Variants in NRXN1 observed in about 807,000 individuals in gnomAD.
NRXN1 encodes the protein neurexin-1.
Under a neutral mutation model 150.9 loss-of-function variants are expected in NRXN1, and 39 were observed. That is an observed-to-expected ratio of 0.26 (90% CI 0.20 to 0.34). NRXN1 has a LOEUF of 0.34. NRXN1 is among the 10% of genes least tolerant of loss of function. NRXN1 has a pLI of 1.00. For synonymous variants in NRXN1, 924 were observed against 757.0 expected (o/e 1.22, Z -3.62); for missense variants, 1,815 against 1,949.9 (o/e 0.93, Z 1.30).
chr2:50,508,825 C>A (rs180956598), intron 12 of NRXN1, among the ~76,000 whole-genome samples: 1 of 152,260 alleles, frequency 6.6e-6, no homozygotes, highest in African/African-American at 2.4e-5. Context: ...TAGCTCCTTT[C>A]ATGCATTATT....
intron 15 of NRXN1, among the ~76,000 whole-genome samples, chr2:50,495,346 G>C (rs931665824): frequency 4.4e-5 from 1 of 22,910 alleles, no homozygotes; most frequent in Admixed American, 3.4e-4. Flanking sequence ...GAAGCATTCC[G>C]TGTGTGTGTG....
intron 17 of NRXN1, among the ~76,000 whole-genome samples, chr2:50,275,255 G>C (rs901751410): frequency 5.3e-5 from 8 of 152,112 alleles, no homozygotes; most frequent in African/African-American, 1.9e-4. Context: ...ACTTGCCCAG[G>C]CCTTGTGTTA....
At chr2:50,091,759 A>G (rs1341857278) in intron 18 of NRXN1, among the ~76,000 whole-genome samples, 1 of 152,218 alleles carries the variant, frequency 6.6e-6, no homozygotes, top group Non-Finnish European at 1.5e-5. Flanking sequence ...TGTCACAGAG[A>G]AGGCGCACAG....
At chr2:50,851,235 G>C (rs979575587) in intron 5 of NRXN1, among the ~76,000 whole-genome samples, 2 of 152,040 alleles carry the variant, frequency 1.3e-5, no homozygotes, top group Non-Finnish European at 2.9e-5. Context: ...CAAAAGTGGG[G>C]GTGAGGGTGA....
At chr2:50,237,863 G>A (rs557289338) in intron 17 of NRXN1, among the ~76,000 whole-genome samples, 1 of 152,044 alleles carries the variant, frequency 6.6e-6, no homozygotes, top group Non-Finnish European at 1.5e-5. Flanking sequence ...AGGGCCTGGT[G>A]GAAGGTGATG....
chr2:50,495,031 C>CAA lies in NRXN1; in HGVS notation c.3070+872_3070+873dup, dbSNP rs557134128. 4.8e-3 allele frequency among the ~76,000 whole-genome samples: 389 copies of CAA among 80,348 alleles called. 3 individuals carry two copies. The highest frequency in any genetic ancestry group is 0.016 in the African/African-American group (368 of 22,684). 52.7% of individuals were successfully genotyped at this position (80,348 alleles called of 152,430 possible). ...GGGTGACGGAGCAAGACTCTGTCTC[C>CAA]AAAAAAAAAAAAAAAAAGAGAGTTA... On this transcript the variant is annotated intron_variant, in intron 15 of 22. Coordinates refer to ENST00000401669, the MANE Select transcript of NRXN1 (RefSeq NM_001330078.2).
intron 17 of NRXN1, among the ~76,000 whole-genome samples, chr2:50,278,280 T>G (rs1343767804): frequency 4.5e-5 from 4 of 89,828 alleles, no homozygotes; most frequent in Non-Finnish European, 8.7e-5. Flanking sequence ...ATGTATTATA[T>G]ATATAATACA....
At chr2:49,958,247 T>A (rs1675325027) in intron 21 of NRXN1, among the ~76,000 whole-genome samples, 2 of 152,224 alleles carry the variant, frequency 1.3e-5, no homozygotes, top group Non-Finnish European at 2.9e-5. Flanking sequence ...GGTATTTCAG[T>A]GTTTTATTTA....
chr2:50,968,089 T>C (rs1390967695), intron 2 of NRXN1, among the ~76,000 whole-genome samples: 2 of 152,176 alleles, frequency 1.3e-5, no homozygotes, highest in African/African-American at 4.8e-5. Flanking sequence ...TAATAATAAA[T>C]ACTTCTGATA....
chr2:50,661,161 G>T (rs944010087), intron 5 of NRXN1, among the ~76,000 whole-genome samples: 6 of 151,974 alleles, frequency 3.9e-5, no homozygotes, highest in Non-Finnish European at 5.9e-5. Context: ...AGACCTCCAG[G>T]TGACTGGATT....
At position 50,641,671 on chromosome 2, in the gene NRXN1, G is replaced by A. The variant is rs138871580; in HGVS notation, c.833-18056C>T. Among the ~76,000 whole-genome samples, 360 of 152,154 alleles carry A rather than the reference G, an allele frequency of 2.4e-3. 3 individuals are homozygous for A. The highest frequency in any genetic ancestry group is 7.9e-3 in the African/African-American group (330 of 41,526). ...TTTGAGGCATCTCTTAGGGCAAAGC[G>A]GTTTTGAGGTATTCTTGGCGACTGG... is the stretch of plus-strand genomic sequence containing the variant. On this transcript the variant is annotated intron_variant, in intron 5 of 22. Transcript: ENST00000401669.
At chr2:50,457,835 C>T (rs1195550442) in intron 17 of NRXN1, among the ~76,000 whole-genome samples, 1 of 151,986 alleles carries the variant, frequency 6.6e-6, no homozygotes, top group Non-Finnish European at 1.5e-5. Flanking sequence ...TAAAATAACA[C>T]ATGCTGGCAA....
At chr2:50,381,832 T>C (rs1269913849) in intron 17 of NRXN1, among the ~76,000 whole-genome samples, 1 of 152,154 alleles carries the variant, frequency 6.6e-6, no homozygotes, top group Non-Finnish European at 1.5e-5. Flanking sequence ...TCAGTGTAAG[T>C]CAACTGATCA....
Position 51,005,271 on chromosome 2 carries a change from T to C in NRXN1, c.772+22231A>G, listed in dbSNP as rs150470010. On this transcript the variant is annotated intron_variant, in intron 2 of 22. Transcript: ENST00000401669. ...ATTCTTACTTCCCAAGAAAAAAATC[T>C]ACACATTTTTAAACTCATTTTTGAA... Among the ~76,000 whole-genome samples, 5 of 152,116 alleles carry C rather than the reference T, an allele frequency of 3.3e-5. No homozygotes were observed. The East Asian group carries it at 7.8e-4, about 24-fold the overall frequency.
intron 2 of NRXN1, among the ~76,000 whole-genome samples, chr2:50,947,520 A>G (rs957347017): frequency 1.3e-5 from 2 of 151,986 alleles, no homozygotes; most frequent in Non-Finnish European, 1.5e-5. Flanking sequence ...TGGAGAACTA[A>G]GAAATTTTAT....
At chr2:50,969,218 A>C (rs1432419819) in intron 2 of NRXN1, among the ~76,000 whole-genome samples, 1 of 152,138 alleles carries the variant, frequency 6.6e-6, no homozygotes, top group East Asian at 1.9e-4. Context: ...GCGGAGCACT[A>C]ATCATTAATT....
intron 2 of NRXN1, among the ~76,000 whole-genome samples, chr2:50,984,109 A>G (rs1452128153): frequency 6.8e-6 from 1 of 147,566 alleles, no homozygotes; most frequent in Non-Finnish European, 1.5e-5. Flanking sequence ...CTATGACTAC[A>G]GGTGCTCACT....
chr2:50,255,852 C>G (rs917351458), intron 17 of NRXN1, among the ~76,000 whole-genome samples: 1 of 152,114 alleles, frequency 6.6e-6, no homozygotes, highest in African/African-American at 2.4e-5. Context: ...CTATCATTAA[C>G]TAATTAAAAT....
chr2:50,135,917 T>A (rs1026848720), intron 18 of NRXN1, among the ~76,000 whole-genome samples: 6 of 152,166 alleles, frequency 3.9e-5, no homozygotes, highest in Non-Finnish European at 5.9e-5. Flanking sequence ...AGCCTATATT[T>A]AATCTTGGTC....
Sources: allele counts gnomAD v4.1 joint callset (sites outside exome capture counted in the v4.1 genomes callset), GRCh38; gene constraint gnomAD v4.1.1; transcripts MANE v1.5; gene names NCBI Gene and HGNC (gene_info 2026-07-23, HGNC 2026-07-21).